The following GADL1 variants were observed in gnomAD, a reference collection of about 807,000 sequenced individuals.
GADL1 encodes GAD like acidic amino acid decarboxylase 1.
In GADL1, 71 loss-of-function variants were observed where a neutral mutation model predicts 69.5. That is an observed-to-expected ratio of 1.02 (90% CI 0.84 to 1.25). The LOEUF (loss-of-function observed/expected upper bound fraction) is 1.25, where lower values mean the gene tolerates loss of function less well. GADL1 is among the 50% of genes most tolerant of loss of function. GADL1 has a pLI of 0.00. For synonymous variants in GADL1, 254 were observed against 214.4 expected (o/e 1.18, Z -1.62); for missense variants, 737 against 631.8 (o/e 1.17, Z -1.79).
At chr3:30,787,193 A>G (rs1269282074) in intron 12 of GADL1, among the ~76,000 whole-genome samples, 2 of 150,906 alleles carry the variant, frequency 1.3e-5, no homozygotes, top group Non-Finnish European at 3.0e-5. Context: ...CTTAAAAAAT[A>G]CAAGAAAAAA....
intron 14 of GADL1, among the ~76,000 whole-genome samples, chr3:30,752,231 A>G (rs1329756634): frequency 6.6e-6 from 1 of 152,000 alleles, no homozygotes; most frequent in East Asian, 1.9e-4. Flanking sequence ...TTCCTTTTAA[A>G]CTTAAGGGAG....
At chr3:30,778,090 T>G in intron 14 of GADL1, 89 bp downstream of exon 14, 1 of 763,358 alleles carries the variant, frequency 1.3e-6, no homozygotes, top group Non-Finnish European at 2.3e-6. Flanking sequence ...ATTCTGTGCT[T>G]GCTAGGCCCT....
chr3:30,867,779 A>C (rs890918175), intron 1 of GADL1, among the ~76,000 whole-genome samples: 2 of 151,990 alleles, frequency 1.3e-5, no homozygotes, highest in Admixed American at 6.6e-5. Context: ...GAATTACTGT[A>C]CTTGGGTAAT....
rs80097103 is a variant in GADL1 at position 30,829,072 on chromosome 3, T to G, written c.1050+4781A>C. On this transcript the variant is annotated intron_variant, in intron 11 of 14. Coordinates refer to ENST00000282538, the MANE Select transcript of GADL1 (RefSeq NM_207359.3). Reference sequence around the variant, plus strand: ...CATTTTTCTCCATCTATGCAACTGATTCTTAGAATATATTGCCTTTTATTT... The same window carrying G: ...CATTTTTCTCCATCTATGCAACTGAGTCTTAGAATATATTGCCTTTTATTT... Among the ~76,000 whole-genome samples, 150 of 152,056 alleles carry G rather than the reference T, an allele frequency of 9.9e-4. 2 individuals are homozygous for G. In the East Asian group the frequency reaches 0.026, roughly 27 times the overall value.
chr3:30,889,066 C>T (rs576683557), intron 1 of GADL1, among the ~76,000 whole-genome samples: 5 of 112,100 alleles, frequency 4.5e-5, no homozygotes, highest in African/African-American at 7.2e-5. Context: ...GAAGAAATAC[C>T]GAAGACTCGG....
chr3:30,783,983 A>C (rs1307184771), intron 13 of GADL1, among the ~76,000 whole-genome samples: 1 of 152,196 alleles, frequency 6.6e-6, no homozygotes. Flanking sequence ...TTTCATAAGC[A>C]CTATAGCTCC....
At chr3:30,729,724 T>C (rs1482005680) in intron 14 of GADL1, among the ~76,000 whole-genome samples, 1 of 152,208 alleles carries the variant, frequency 6.6e-6, no homozygotes, top group Non-Finnish European at 1.5e-5. Flanking sequence ...CTGAAGATAT[T>C]ATGTGTTGAA....
At position 30,773,092 on chromosome 3, in the gene GADL1, CTAAT is replaced by C. The variant is rs531322111; in HGVS notation, c.1392+5083_1392+5086del. The stretch of plus-strand genomic sequence containing the variant: ...ACATCATGAGAAAATAGTTTGCAAA[CTAAT>C]TAATTATTGTATAATCATGATCCTT... On this transcript the variant is annotated intron_variant, in intron 14 of 14. Coordinates refer to ENST00000282538, the MANE Select transcript of GADL1 (RefSeq NM_207359.3). Among the ~76,000 whole-genome samples, 791 of 152,038 alleles carry C rather than the reference CTAAT, an allele frequency of 5.2e-3. 6 individuals are homozygous for C. Among genetic ancestry groups the C allele is most frequent in the African/African-American group, 0.018 (744 of 41,438 alleles).
intron 1 of GADL1, among the ~76,000 whole-genome samples, chr3:30,875,529 C>T (rs778870914): frequency 6.6e-6 from 1 of 151,886 alleles, no homozygotes; most frequent in Non-Finnish European, 1.5e-5. Flanking sequence ...CACAAGTTAT[C>T]AGATGTCGCA....
chr3:30,751,885 TTCA>T (rs1167229641), intron 14 of GADL1, among the ~76,000 whole-genome samples: 1 of 152,236 alleles, frequency 6.6e-6, no homozygotes, highest in Non-Finnish European at 1.5e-5. Context: ...AGCTTCCCTT[TTCA>T]TCCCCAACCA....
chr3:30,770,264 G>A (rs1696387611), intron 14 of GADL1, among the ~76,000 whole-genome samples: 1 of 152,178 alleles, frequency 6.6e-6, no homozygotes, highest in South Asian at 2.1e-4. Flanking sequence ...GAGACACAGT[G>A]GTAAGTGGCC....
At chr3:30,840,973 G>T (rs1365165177) in intron 8 of GADL1, among the ~76,000 whole-genome samples, 2 of 152,176 alleles carry the variant, frequency 1.3e-5, no homozygotes, top group East Asian at 3.9e-4. Flanking sequence ...GACCTCTGAT[G>T]CTTTGTGTTT....
chr3:30,806,695 G>A (rs1233782853), intron 11 of GADL1, among the ~76,000 whole-genome samples: 1 of 152,208 alleles, frequency 6.6e-6, no homozygotes, highest in Non-Finnish European at 1.5e-5. Flanking sequence ...CACCTTAGAG[G>A]TGTGAGAGAT....
intron 14 of GADL1, among the ~76,000 whole-genome samples, chr3:30,767,810 A>AT (rs1696318198): frequency 6.6e-6 from 1 of 152,164 alleles, no homozygotes; most frequent in Non-Finnish European, 1.5e-5. Flanking sequence ...TGAAGGCCAT[A>AT]TTTGCATTCC....
chr3:30,751,961 G>A (rs926373707), intron 14 of GADL1, among the ~76,000 whole-genome samples: 4 of 151,830 alleles, frequency 2.6e-5, no homozygotes, highest in African/African-American at 9.7e-5. Flanking sequence ...AAGATGAAAA[G>A]AACAACAGCA....
At chr3:30,877,396 T>C (rs1000848594) in intron 1 of GADL1, among the ~76,000 whole-genome samples, 3 of 151,898 alleles carry the variant, frequency 2.0e-5, no homozygotes, top group African/African-American at 7.2e-5. Flanking sequence ...AATTCTCTTT[T>C]TTGTGCCATC....
intron 1 of GADL1, among the ~76,000 whole-genome samples, chr3:30,875,737 C>A (rs537827950): frequency 1.5e-3 from 221 of 152,002 alleles, no homozygotes; most frequent in Non-Finnish European, 2.7e-3. Flanking sequence ...TGGCTCCACA[C>A]TCTGGCAGAA....
chr3:30,771,832 C>A lies in GADL1; in HGVS notation c.1392+6347G>T, dbSNP rs138859268. Among the ~76,000 whole-genome samples the A allele has an allele frequency of 1.9e-3, 284 of 152,304 alleles. No homozygotes were observed. In the South Asian group the frequency reaches 0.02, roughly 11 times the overall value. ...GTGAACATGTGTGCATGTGTGTATG[C>A]ATATCTACAAGTCCCTAAGAGATCA... is the stretch of plus-strand genomic sequence containing the variant. On this transcript the variant is annotated intron_variant, in intron 14 of 14. Transcript: ENST00000282538.
At chr3:30,821,289 C>T (rs924180394) in intron 11 of GADL1, among the ~76,000 whole-genome samples, 1 of 151,986 alleles carries the variant, frequency 6.6e-6, no homozygotes, top group Non-Finnish European at 1.5e-5. Context: ...TGTAACTAAC[C>T]TGCACGTTGT....
Sources: allele counts gnomAD v4.1 joint callset (sites outside exome capture counted in the v4.1 genomes callset), GRCh38; gene constraint gnomAD v4.1.1; transcripts MANE v1.5; gene names NCBI Gene and HGNC (gene_info 2026-07-23, HGNC 2026-07-21).